Variants in RALGAPA1 observed in about 807,000 individuals in gnomAD.
RALGAPA1 encodes Ral GTPase activating protein catalytic subunit alpha 1.
A neutral mutation model predicts 269.6 loss-of-function variants in RALGAPA1; 52 were observed. The ratio of observed to expected loss-of-function variants is 0.19; its 90% CI spans 0.15 to 0.24. The LOEUF is 0.24. Ranked by LOEUF, RALGAPA1 falls within the 10% of genes least tolerant of loss-of-function variation. RALGAPA1 has a pLI of 1.00. For missense variants in RALGAPA1, 1,917 were observed against 3,013.9 expected, an observed-to-expected ratio of 0.64 and a Z score of 8.52; for synonymous variants, 817 against 1,008.3, an observed-to-expected ratio of 0.81 and a Z score of 3.60.
chr14:35,602,343 T>C (rs2059341570), intron 36 of RALGAPA1, among the ~76,000 whole-genome samples: 1 of 152,204 alleles, frequency 6.6e-6, no homozygotes, highest in African/African-American at 2.4e-5. Context: ...GGGGTAGAAC[T>C]GTTTGGTCAC....
At chr14:35,642,643 T>C (rs1372836940) in intron 31 of RALGAPA1, among the ~76,000 whole-genome samples, 1 of 152,114 alleles carries the variant, frequency 6.6e-6, no homozygotes, top group African/African-American at 2.4e-5. Context: ...TGAGATACCA[T>C]CTCACACCAG....
At position 35,548,419 on chromosome 14, in the gene RALGAPA1, T is replaced by C. The variant is rs1261855281; in HGVS notation, c.*23+89A>G. ...ACCGGACAGTGTTAAGTTTACTTAT[T>C]GTTTAAGTTACAAGCTTAGAGCCTG... On this transcript the variant is annotated intron_variant, in intron 41 of 41. Coordinates refer to ENST00000680220, the MANE Select transcript of RALGAPA1 (RefSeq NM_001346249.2). 4.6e-6 allele frequency: 4 copies of C among 864,726 alleles called. No homozygotes were observed. The Admixed American group carries it at 8.3e-5, about 18-fold the overall frequency. 53.6% of individuals were successfully genotyped at this position (864,726 alleles called of 1,614,324 possible).
intron 37 of RALGAPA1, among the ~76,000 whole-genome samples, chr14:35,576,550 G>C (rs964082958): frequency 2.6e-5 from 4 of 152,098 alleles, no homozygotes; most frequent in Admixed American, 2.6e-4. Context: ...AATGGGACAG[G>C]CTTGGTTAAG....
chr14:35,654,841 A>G (rs965021729), intron 29 of RALGAPA1, among the ~76,000 whole-genome samples: 1 of 152,160 alleles, frequency 6.6e-6, no homozygotes, highest in Non-Finnish European at 1.5e-5. Flanking sequence ...TGATCCTGAC[A>G]TTATGCTTAA....
intron 37 of RALGAPA1, among the ~76,000 whole-genome samples, chr14:35,576,853 C>T (rs1221754236): frequency 6.6e-6 from 1 of 152,134 alleles, no homozygotes; most frequent in East Asian, 1.9e-4. Flanking sequence ...GTAACCACCT[C>T]CCTATATTGT....
At chr14:35,702,705 C>T (rs954047775) in intron 16 of RALGAPA1, among the ~76,000 whole-genome samples, 28 of 127,666 alleles carry the variant, frequency 2.2e-4, no homozygotes, top group African/African-American at 7.6e-4. Flanking sequence ...TAGTTGTAAT[C>T]ACCTTTAATT....
At chr14:35,697,399 T>G (rs2140553815) in intron 17 of RALGAPA1, among the ~76,000 whole-genome samples, 1 of 152,018 alleles carries the variant, frequency 6.6e-6, no homozygotes, top group South Asian at 2.1e-4. Flanking sequence ...CAGGCTGGAG[T>G]GCAGTGGGCG....
chr14:35,697,903 A>C (rs949542311), intron 17 of RALGAPA1, among the ~76,000 whole-genome samples: 1 of 152,218 alleles, frequency 6.6e-6, no homozygotes, highest in African/African-American at 2.4e-5. Flanking sequence ...AATAACTGTA[A>C]TTATGCTTTT....
chr14:35,776,551 T>C (rs2075041968), intron 1 of RALGAPA1, among the ~76,000 whole-genome samples: 2 of 152,076 alleles, frequency 1.3e-5, no homozygotes, highest in South Asian at 4.1e-4. Flanking sequence ...CAAAATTAAA[T>C]GAATAACTAT....
chr14:35,670,632 A>G lies in RALGAPA1; in HGVS notation c.5202+757T>C, dbSNP rs183815946. ...AAAAAATCTTCACATGCAATTTGAG[A>G]GTTTACTCCTGGCTGGGCACGGTGG... On this transcript the variant is annotated intron_variant, in intron 26 of 41. Coordinates refer to ENST00000680220, the MANE Select transcript of RALGAPA1 (RefSeq NM_001346249.2). 2.0e-5 allele frequency among the ~76,000 whole-genome samples: 3 copies of G among 152,254 alleles called. No homozygotes were observed. The East Asian group carries it at 5.8e-4, about 29-fold the overall frequency.
chr14:35,561,476 T>C (rs934140118), intron 39 of RALGAPA1, among the ~76,000 whole-genome samples: 1 of 150,708 alleles, frequency 6.6e-6, no homozygotes, highest in Non-Finnish European at 1.5e-5. Flanking sequence ...AAAAATTCTT[T>C]AATTGTAATG....
intron 37 of RALGAPA1, among the ~76,000 whole-genome samples, chr14:35,589,848 C>T (rs939464160): frequency 2.0e-5 from 3 of 152,052 alleles, no homozygotes; most frequent in Non-Finnish European, 4.4e-5. Flanking sequence ...TACAGGCATG[C>T]ACCACTATGC....
At position 35,651,808 on chromosome 14, in the gene RALGAPA1, C is replaced by T. The variant is rs200556188; in HGVS notation, c.5673G>A (p.Lys1891=). 1.6e-4 allele frequency: 255 copies of T among 1,598,320 alleles called. No homozygotes were observed. Among genetic ancestry groups the T allele is most frequent in the Non-Finnish European group, 2.1e-4 (246 of 1,174,940 alleles). ...CATCAAACAAAATTTAAATTACCCT[C>T]TTGTCCATTTCATAAGATGAAGCCT... ...STEASSYEMD[K]RLVVSLLLCL... The change falls in exon 31 of 42, where the codon AAG becomes AAA. Residue 1891 remains lysine (K), a synonymous_variant. Transcript: ENST00000680220.
intron 37 of RALGAPA1, among the ~76,000 whole-genome samples, chr14:35,573,038 A>G (rs2057325660): frequency 6.6e-6 from 1 of 152,174 alleles, no homozygotes; most frequent in South Asian, 2.1e-4. Context: ...TTAAAAAAAG[A>G]AGTAAGTAAC....
At chr14:35,570,899 G>C (rs1329892878) in intron 38 of RALGAPA1, among the ~76,000 whole-genome samples, 155 bp from the exon 39 acceptor site, 1 of 152,124 alleles carries the variant, frequency 6.6e-6, no homozygotes, top group Non-Finnish European at 1.5e-5. Flanking sequence ...TTTCTGTGAT[G>C]GGTCACTCAT....
At chr14:35,554,052 A>G (rs1457537353) in intron 39 of RALGAPA1, among the ~76,000 whole-genome samples, 1 of 152,170 alleles carries the variant, frequency 6.6e-6, no homozygotes, top group Non-Finnish European at 1.5e-5. Context: ...GTGTTCCAAT[A>G]GTTACTTAGA....
chr14:35,766,391 T>G (rs1595481546), intron 4 of RALGAPA1: 1 of 1,536,596 alleles, frequency 6.5e-7, no homozygotes, highest in East Asian at 2.3e-5. Context: ...AGGAATATCT[T>G]GTACTGGAAT....
At chr14:35,791,823 G>A (rs537382639) in intron 1 of RALGAPA1, among the ~76,000 whole-genome samples, 64 of 144,780 alleles carry the variant, frequency 4.4e-4, no homozygotes, top group Non-Finnish European at 7.5e-4. Flanking sequence ...GAAGAATGGC[G>A]TGAACCCAGG....
chr14:35,721,976 G>A (rs567566841), intron 15 of RALGAPA1, 127 bp from the exon 16 acceptor site: 5 of 710,878 alleles, frequency 7.0e-6, no homozygotes, highest in South Asian at 3.7e-5. Flanking sequence ...AAGACAAAAC[G>A]CTGTGTACTG....
Sources: allele counts gnomAD v4.1 joint callset (sites outside exome capture counted in the v4.1 genomes callset), GRCh38; gene constraint gnomAD v4.1.1; transcripts MANE v1.5; gene names NCBI Gene and HGNC (gene_info 2026-07-23, HGNC 2026-07-21).